HMX1: variants seen among roughly 807,000 people sequenced by gnomAD.
HMX1 encodes the protein homeobox protein HMX1.
In HMX1, 8 loss-of-function variants were observed where a neutral mutation model predicts 8.9. The observed-to-expected ratio is 0.90, with a 90% confidence interval of 0.53 to 1.63. HMX1 has a LOEUF of 1.63. Among genes scored for constraint, HMX1 ranks in the 40% most tolerant of loss-of-function variants. The probability of loss-of-function intolerance (pLI) is 0.00; values close to 1 mark genes in which losing one functional copy is unlikely to be tolerated. For missense variants in HMX1, 621 were observed against 558.5 expected, an observed-to-expected ratio of 1.11 and a Z score of -1.13; for synonymous variants, 311 against 283.4, an observed-to-expected ratio of 1.10 and a Z score of -0.98.
At chr4:8,864,299 AG>A, downstream of HMX1, among the ~76,000 whole-genome samples, 1 of 152,290 alleles carries the variant, frequency 6.6e-6, no homozygotes, top group Admixed American at 6.5e-5. Context: ...GGTCCAGTAT[AG>A]GCGTGTGTCC....
chr4:8,857,914 G>A (rs554256623), intron 1 of HMX1, among the ~76,000 whole-genome samples: 157 of 152,268 alleles, frequency 1.0e-3, no homozygotes, highest in Non-Finnish European at 1.9e-3. Context: ...CGTCTCTACG[G>A]GCCAGTGGGT....
chr4:8,867,870 G>T lies in HMX1; in HGVS notation c.870C>A (p.Pro290=). 7.9e-7 allele frequency: 1 copy of T among 1,265,956 alleles called. No individual in the cohort carries two copies. The highest frequency in any genetic ancestry group is 2.9e-5 in the South Asian group (1 of 34,578). The allele number at this position is 1,265,956 out of a possible 1,614,324, so 78.4% of individuals were successfully genotyped here. ...VRVPVLYHES[P]PAAAAAGPPA... The stretch of plus-strand genomic sequence containing the variant: ...GGGGCCCAGCGGCGGCTGCGGCCGG[G>T]GGGCTTTCGTGGTAGAGCACCGGCA... The change falls in exon 2 of 2, where the codon CCC becomes CCA. Residue 290 remains proline, a synonymous_variant. Coordinates refer to ENST00000400677, the MANE Select transcript of HMX1 (RefSeq NM_018942.3).
chr4:8,865,186 C>T (rs1419644863), downstream of HMX1, among the ~76,000 whole-genome samples: 2 of 152,202 alleles, frequency 1.3e-5, no homozygotes, highest in Non-Finnish European at 2.9e-5. Context: ...ACCTGGGCGC[C>T]ACCACTGCGC....
chr4:8,857,058 T>C (rs1275245161), intron 1 of HMX1, among the ~76,000 whole-genome samples: 2 of 152,224 alleles, frequency 1.3e-5, no homozygotes, highest in Non-Finnish European at 2.9e-5. Context: ...CACTCCAGCC[T>C]GGGCGACACA....
At position 8,849,880 on chromosome 4, in the gene HMX1, T is replaced by C. The variant is rs941720600; in HGVS notation, c.395-3556A>G. Among the ~76,000 whole-genome samples the C allele has an allele frequency of 6.6e-6, 1 of 152,126 alleles. No individual in the cohort carries two copies. Among genetic ancestry groups the C allele is most frequent in the African/African-American group, 2.4e-5 (1 of 41,444 alleles). The stretch of plus-strand genomic sequence containing the variant: ...TCAGCCCGGAGTCTTCAGATGAGGG[T>C]TCTCTGCCCTTGCTTCCTGTCAGGG... On this transcript the variant is annotated intron_variant, in intron 1 of 1. Transcript: ENST00000506970. The surrounding 1 kb of genome is among the most constrained non-coding windows in gnomAD (Gnocchi z 6.6).
chr4:8,868,441 GC>G lies in HMX1; in HGVS notation c.395-97del. On this transcript the variant is annotated intron_variant, in intron 1 of 1. Transcript: ENST00000400677. This position sits in a 1 kb window ranked among gnomAD's most constrained non-coding sequence, Gnocchi z 4.6. ...CGTCCCCACCTTGAGGTCGCTCACA[GC>G]CACAAGCAGGAAGACCTTCCAGCAC... 1.0e-6 allele frequency: 1 copy of G among 968,540 alleles called. No individual in the cohort carries two copies. The highest frequency in any genetic ancestry group is 1.3e-6 in the Non-Finnish European group (1 of 741,974). 60.0% of individuals were successfully genotyped at this position (968,540 alleles called of 1,614,324 possible).
downstream of HMX1, among the ~76,000 whole-genome samples, chr4:8,865,057 G>T (rs1383381298): frequency 6.6e-6 from 1 of 152,128 alleles, no homozygotes; most frequent in Non-Finnish European, 1.5e-5. Context: ...GGCACCCATA[G>T]GGCTCTCACC....
rs1721357637 is a variant in HMX1 at position 8,848,984 on chromosome 4, G to C, written c.395-2660C>G. 6.6e-6 allele frequency among the ~76,000 whole-genome samples: 1 copy of C among 152,206 alleles called. No homozygotes were observed. On this transcript the variant is annotated intron_variant, in intron 1 of 1. Coordinates refer to the HMX1 transcript ENST00000506970. This position sits in a 1 kb window ranked among gnomAD's most constrained non-coding sequence, Gnocchi z 4.1. The stretch of plus-strand genomic sequence containing the variant: ...CTGTCCAGCTCACGTTACCGCAGGA[G>C]CAATTCCTCCTCTCTGAACAGAGTG...
chr4:8,852,374 A>G (rs1411935378), intron 1 of HMX1, among the ~76,000 whole-genome samples: 3 of 152,212 alleles, frequency 2.0e-5, no homozygotes, highest in Non-Finnish European at 4.4e-5. Context: ...GACCTTGGCT[A>G]TCATTTTTTG....
chr4:8,852,817 A>G (rs1721495187), intron 1 of HMX1, among the ~76,000 whole-genome samples: 1 of 152,242 alleles, frequency 6.6e-6, no homozygotes, highest in Non-Finnish European at 1.5e-5. Context: ...CAGAGAAACG[A>G]AAGCAGAAAT....
rs146314585 is a variant in HMX1, at chr4:8,869,690, G to A, written c.395-1345C>T. Among the ~76,000 whole-genome samples, 259 of 151,800 alleles carry A rather than the reference G, an allele frequency of 1.7e-3. 1 individual carries two copies. Among genetic ancestry groups the A allele is most frequent in the African/African-American group, 6.0e-3 (246 of 41,088 alleles). ...CAGCAGGTTGTGGTGCATGCTACTA[G>A]ATCTGGGGAGTCCCTGCCTCCCCCC... is the stretch of plus-strand genomic sequence containing the variant. On this transcript the variant is annotated intron_variant, in intron 1 of 1. Transcript: ENST00000400677.
intron 1 of HMX1, among the ~76,000 whole-genome samples, chr4:8,861,001 G>A (rs1481743833): frequency 6.6e-6 from 1 of 151,574 alleles, no homozygotes; most frequent in Non-Finnish European, 1.5e-5. Context: ...GGAACCGCGG[G>A]GAGGGGGCGG....
intron 1 of HMX1, among the ~76,000 whole-genome samples, chr4:8,858,183 A>G (rs1232863716): frequency 1.3e-5 from 2 of 152,100 alleles, no homozygotes; most frequent in Non-Finnish European, 2.9e-5. Context: ...AACAAACCCA[A>G]ATCAAATGAG....
chr4:8,867,902 C>G lies in HMX1; in HGVS notation c.838G>C (p.Val280Leu), dbSNP rs2109472882. 7.1e-7 allele frequency: 1 copy of G among 1,401,584 alleles called. No homozygotes were observed. Among genetic ancestry groups the G allele is most frequent in the East Asian group, 3.0e-5 (1 of 32,852 alleles). The allele number at this position is 1,401,584 out of a possible 1,614,324, so 86.8% of individuals were successfully genotyped here. ...SLSPPGAQRLVRVPVLYHESP... is the reference protein window; with the variant it reads ...SLSPPGAQRLLRVPVLYHESP... ...TCGTGGTAGAGCACCGGCACGCGGA[C>G]CAGGCGCTGCGCTCCCGGCGGGGAC... The change falls in exon 2 of 2, where the codon GTC becomes CTC. Residue 280 changes from valine (V) to leucine (L), a missense_variant. Coordinates refer to ENST00000400677, the MANE Select transcript of HMX1 (RefSeq NM_018942.3).
chr4:8,860,163 C>T (rs1721749197), intron 1 of HMX1, among the ~76,000 whole-genome samples: 2 of 152,220 alleles, frequency 1.3e-5, no homozygotes, highest in Non-Finnish European at 2.9e-5. Flanking sequence ...GGCGTGGCTG[C>T]CCTGGTGCCC....
downstream of HMX1, among the ~76,000 whole-genome samples, chr4:8,863,367 ACCCGGCCTCT>A (rs1721894193): frequency 6.6e-6 from 1 of 152,102 alleles, no homozygotes; most frequent in South Asian, 2.1e-4. Flanking sequence ...AGAGAAGCCC[ACCCGGCCTCT>A]CCCGCCTCCC....
chr4:8,871,314 C>A lies in HMX1; in HGVS notation c.301G>T (p.Gly101Cys), dbSNP rs1722208475. ...ALGLGPRPPP[G>C]PGPPFALGCG... ...CCCAGAGCGAAGGGCGGCCCGGGAC[C>A]GGGGGGCGGCCGAGGACCGAGGCCC... The change falls in exon 1 of 2, where the codon GGT becomes TGT. Residue 101 changes from glycine (G) to cysteine (C), a missense_variant. Coordinates refer to ENST00000400677, the MANE Select transcript of HMX1 (RefSeq NM_018942.3). This position sits in a 1 kb window ranked among gnomAD's most constrained non-coding sequence, Gnocchi z 4.8. 3.8e-5 allele frequency: 53 copies of A among 1,384,724 alleles called. No homozygotes were observed. Among genetic ancestry groups the A allele is most frequent in the Non-Finnish European group, 4.8e-5 (52 of 1,077,088 alleles). The allele number at this position is 1,384,724 out of a possible 1,614,324, so 85.8% of individuals were successfully genotyped here.
intron 1 of HMX1, among the ~76,000 whole-genome samples, chr4:8,854,691 C>T (rs1411036345): frequency 4.6e-5 from 7 of 152,188 alleles, no homozygotes; most frequent in Non-Finnish European, 1.0e-4. Flanking sequence ...ATATGTGCTC[C>T]CTGTCTCTCT....
downstream of HMX1, among the ~76,000 whole-genome samples, chr4:8,862,286 C>A (rs547336432): frequency 1.3e-5 from 2 of 152,252 alleles, no homozygotes; most frequent in Non-Finnish European, 2.9e-5. Context: ...CCCGATTGGG[C>A]GTAGATAAAC....
Sources: allele counts gnomAD v4.1 joint callset (sites outside exome capture counted in the v4.1 genomes callset), GRCh38; gene constraint gnomAD v4.1.1; non-coding constraint Gnocchi (gnomAD v3.1); transcripts MANE v1.5; gene names NCBI Gene and HGNC (gene_info 2026-07-23, HGNC 2026-07-21).